Variants in SEZ6 observed in about 807,000 individuals in gnomAD.
The protein encoded by SEZ6 is seizure related 6 homolog, also known as seizure protein 6 homolog.
Under a neutral mutation model 101.0 loss-of-function variants are expected in SEZ6, and 53 were observed. That is an observed-to-expected ratio of 0.52 (90% CI 0.42 to 0.66). The LOEUF (loss-of-function observed/expected upper bound fraction) is 0.66, where lower values mean the gene tolerates loss of function less well. Ranked by LOEUF, SEZ6 falls within the 30% of genes least tolerant of loss-of-function variation. The probability of loss-of-function intolerance (pLI) is 0.00; values close to 1 mark genes in which losing one functional copy is unlikely to be tolerated. For missense variants in SEZ6, 1,102 were observed against 1,289.4 expected (o/e 0.85, Z 2.23); for synonymous variants, 488 against 512.2 (o/e 0.95, Z 0.64).
intron 3 of SEZ6, among the ~76,000 whole-genome samples, chr17:28,972,521 G>A (rs1448201563): frequency 1.3e-5 from 2 of 152,212 alleles, no homozygotes; most frequent in East Asian, 3.8e-4. Context: ...GGGTCTTTGG[G>A]CTGAAGAGAA....
At chr17:28,999,749 C>T (rs1038674177) in intron 1 of SEZ6, among the ~76,000 whole-genome samples, 1 of 152,068 alleles carries the variant, frequency 6.6e-6, no homozygotes, top group East Asian at 1.9e-4. Context: ...TAGGGAAGCC[C>T]AGGATGCCAG....
Position 28,957,137 on chromosome 17 carries a change from G to A in SEZ6, c.2600C>T (p.Ala867Val). Residue 867 changes from alanine (A) to valine (V), a missense_variant, in exon 13 of 17, where the codon GCC (alanine) becomes GTC (valine). By Grantham distance (64) the Ala-to-Val change is moderately conservative. Coordinates refer to ENST00000317338, the MANE Select transcript of SEZ6 (RefSeq NM_178860.5). ...CTGGCCCTTCAGCACATAGCCAGGG[G>A]CACACGAGAAGTGGATGGTGGCCCC... ...PAGATIHFSC[A>V]PGYVLKGQAS... is the part of the protein sequence containing the mutation. The A allele has an allele frequency of 6.2e-7, 1 of 1,613,968 alleles. No individual in the cohort carries two copies. The highest frequency in any genetic ancestry group is 8.5e-7 in the Non-Finnish European group (1 of 1,179,856).
At position 28,957,563 on chromosome 17, in the gene SEZ6, G is replaced by A. The variant is rs756798599; in HGVS notation, c.2303-24C>T. 5.6e-6 allele frequency: 9 copies of A among 1,601,490 alleles called. No individual in the cohort carries two copies. The South Asian group carries it at 1.0e-4, about 18-fold the overall frequency. On this transcript the variant is annotated intron_variant, in intron 11 of 16. Coordinates refer to ENST00000317338, the MANE Select transcript of SEZ6 (RefSeq NM_178860.5). ...CACTATGGGTAGGGGGTGATGGGGA[G>A]AAGTAGCCCAAGGAGAACTAAGCAG...
At chr17:28,979,889 G>GTT (rs1034880647) in intron 2 of SEZ6, 76 bp from the exon 3 acceptor site, 3 of 939,542 alleles carry the variant, frequency 3.2e-6, no homozygotes, top group Non-Finnish European at 4.2e-6. Context: ...CCGTGTGTGT[G>GTT]TGTGTGTGTG....
At chr17:28,977,561 G>A (rs576654511) in intron 3 of SEZ6, among the ~76,000 whole-genome samples, 8 of 152,244 alleles carry the variant, frequency 5.3e-5, no homozygotes, top group Admixed American at 1.3e-4. Context: ...CAACAGACAC[G>A]GGGCTTATGT....
chr17:28,992,529 C>A (rs747147976), intron 1 of SEZ6, among the ~76,000 whole-genome samples: 14 of 152,196 alleles, frequency 9.2e-5, no homozygotes, highest in Non-Finnish European at 1.9e-4. Context: ...AGTCCCCAAG[C>A]CCAGAAAGGC....
At chr17:28,958,997 A>G (rs1449663624) in intron 10 of SEZ6, 28 bp downstream of exon 10, 34 of 1,587,698 alleles carry the variant, frequency 2.1e-5, no homozygotes, top group Non-Finnish European at 2.7e-5. Flanking sequence ...TGCTGTCTGC[A>G]CTCTGAGTGG....
chr17:28,997,969 C>A (rs1190626349), intron 1 of SEZ6, among the ~76,000 whole-genome samples: 1 of 152,164 alleles, frequency 6.6e-6, no homozygotes, highest in Non-Finnish European at 1.5e-5. Flanking sequence ...GCCCCCACCC[C>A]CAGGCTCTGG....
rs538297619 is a variant in SEZ6, at chr17:28,959,599, C to T, written c.1771+99G>A. 1.8e-5 allele frequency: 27 copies of T among 1,538,108 alleles called. No individual in the cohort carries two copies. The highest frequency in any genetic ancestry group is 6.8e-5 in the East Asian group (3 of 44,320). On this transcript the variant is annotated intron_variant, in intron 8 of 16. Coordinates refer to ENST00000317338, the MANE Select transcript of SEZ6 (RefSeq NM_178860.5). This position sits in a 1 kb window ranked among gnomAD's most constrained non-coding sequence, Gnocchi z 4.4. ...TCCTCCTTGGAGGAAGCCTGAACCA[C>T]GCATATCACAGGGCCCCTGTGGCCC...
At chr17:28,974,235 C>T (rs1292081461) in intron 3 of SEZ6, among the ~76,000 whole-genome samples, 1 of 152,212 alleles carries the variant, frequency 6.6e-6, no homozygotes, top group African/African-American at 2.4e-5. Context: ...TCCCCACCCC[C>T]AGATGCTGGC....
intron 1 of SEZ6, among the ~76,000 whole-genome samples, chr17:28,996,702 A>C (rs1429102734): frequency 6.6e-6 from 1 of 152,212 alleles, no homozygotes; most frequent in East Asian, 1.9e-4. Flanking sequence ...GGACAGGTGA[A>C]CGAGCCAGGC....
At chr17:28,972,144 G>A (rs143595913) in intron 3 of SEZ6, among the ~76,000 whole-genome samples, 40 of 152,346 alleles carry the variant, frequency 2.6e-4, no homozygotes, top group South Asian at 6.2e-4. Context: ...TCTTAGGGCC[G>A]CATCGTCTGC....
intron 1 of SEZ6, 79 bp from the exon 2 acceptor site, chr17:28,982,118 GC>G (rs2152689603): frequency 6.8e-7 from 1 of 1,467,890 alleles, no homozygotes; most frequent in Non-Finnish European, 9.0e-7. Flanking sequence ...TAGTGGGGGG[GC>G]CCGCTCTCTT....
chr17:28,955,652 G>A lies in SEZ6; in HGVS notation c.*310C>T, dbSNP rs1275303199. On this transcript the variant is annotated 3_prime_UTR_variant, in exon 17 of 17. Coordinates refer to ENST00000317338, the MANE Select transcript of SEZ6 (RefSeq NM_178860.5). ...TGCTCTGCTAGTGTGTTCCAGGCTG[G>A]TCCAGGGCATGAGGAGGCTCAGGAT... 34 of 604,474 alleles carry A rather than the reference G, an allele frequency of 5.6e-5. No homozygotes were observed. In the East Asian group the frequency reaches 9.8e-4, roughly 17 times the overall value. 37.4% of individuals were successfully genotyped at this position (604,474 alleles called of 1,614,324 possible).
intron 1 of SEZ6, among the ~76,000 whole-genome samples, chr17:28,999,228 G>A (rs1223148881): frequency 2.0e-5 from 3 of 152,194 alleles, no homozygotes; most frequent in Non-Finnish European, 4.4e-5. Flanking sequence ...GAAGGACCCA[G>A]GATGGCCTTC....
At chr17:28,987,278 C>T (rs557464836) in intron 1 of SEZ6, among the ~76,000 whole-genome samples, 1 of 152,166 alleles carries the variant, frequency 6.6e-6, no homozygotes, top group Non-Finnish European at 1.5e-5. Context: ...CCCTATTATC[C>T]GAGAACCTGA....
At chr17:28,968,201 TC>T (rs2041099983) in intron 4 of SEZ6, among the ~76,000 whole-genome samples, 1 of 152,244 alleles carries the variant, frequency 6.6e-6, no homozygotes, top group Non-Finnish European at 1.5e-5. Context: ...CTCCTCCTGT[TC>T]CCATCTCTGG....
Position 29,005,080 on chromosome 17 carries a change from T to G in SEZ6, c.55+735A>C, listed in dbSNP as rs1259328554. Among the ~76,000 whole-genome samples, 3 of 14,954 alleles carry G rather than the reference T, an allele frequency of 2.0e-4. No individual in the cohort carries two copies. Among genetic ancestry groups the G allele is most frequent in the African/African-American group, 2.9e-4 (2 of 6,860 alleles). 9.8% of individuals were successfully genotyped at this position (14,954 alleles called of 152,430 possible). A position where few individuals can be genotyped will look rare whatever the true frequency, so the allele number is the denominator to read the frequency against. Reference sequence around the variant, plus strand: ...AGGGAGGCAGAGCTCGGGGCAGTGGTGTGTGTGTGTGTGTGTGTGTGTGTG... The same window carrying G: ...AGGGAGGCAGAGCTCGGGGCAGTGGGGTGTGTGTGTGTGTGTGTGTGTGTG... On this transcript the variant is annotated intron_variant, in intron 1 of 16. Transcript: ENST00000317338. The surrounding 1 kb of genome is among the most constrained non-coding windows in gnomAD (Gnocchi z 4.8).
In SEZ6 at chr17:28,979,749, G is replaced by A. The variant is rs746508233; in HGVS notation, c.789C>T (p.Ser263=). 2 of 1,613,784 alleles carry A rather than the reference G, an allele frequency of 1.2e-6. No homozygotes were observed. Among genetic ancestry groups the A allele is most frequent in the Non-Finnish European group, 1.7e-6 (2 of 1,179,808 alleles). The part of the protein sequence containing the change: ...GSLDSPTDLS[S]PTDVGLDCFF... Reference sequence around the variant, plus strand: ...AGCAGTCCAGGCCAACATCAGTGGGGGAGCTGAGGTCTGTAGGGGAGTCCA... The same window carrying A: ...AGCAGTCCAGGCCAACATCAGTGGGAGAGCTGAGGTCTGTAGGGGAGTCCA... Residue 263 remains serine (S), a synonymous_variant, in exon 3 of 17, where the codon TCC becomes TCT. Transcript: ENST00000317338.
Sources: gnomAD v4.1 joint callset for allele counts (sites outside exome capture counted in the v4.1 genomes callset) on GRCh38, gnomAD v4.1.1 for gene constraint, Gnocchi (gnomAD v3.1) non-coding constraint, MANE v1.5 for transcripts, NCBI Gene and HGNC (gene_info 2026-07-23, HGNC 2026-07-21) for gene names.